Variants in OR11A1 observed in about 807,000 individuals in gnomAD.
OR11A1 encodes the protein olfactory receptor family 11 subfamily A member 1.
For synonymous variants in OR11A1, 158 were observed against 152.2 expected (o/e 1.04, Z -0.28); for missense variants, 380 against 378.2 (o/e 1.00, Z -0.04).
intron 1 of OR11A1, among the ~76,000 whole-genome samples, chr6:29,446,582 C>T (rs1012549889): frequency 2.6e-5 from 4 of 152,192 alleles, no homozygotes; most frequent in African/African-American, 9.7e-5. Flanking sequence ...TATATTTATT[C>T]ACCACATATG....
At chr6:29,439,511 T>C (rs1783920481) in intron 1 of OR11A1, 1 of 153,970 alleles carries the variant, frequency 6.5e-6, no homozygotes, top group Non-Finnish European at 1.4e-5. Flanking sequence ...TAAGTGAATC[T>C]GGTAACTAAA....
At position 29,441,098 on chromosome 6, in the gene OR11A1, T is replaced by C. The variant is rs9468533; in HGVS notation, c.-388-9111A>G. On this transcript the variant is annotated intron_variant, in intron 1 of 4. Coordinates refer to ENST00000377149, the MANE Select transcript of OR11A1 (RefSeq NM_001394828.1). ...CAAACTTATCTTTGAAAAGCTACCG[T>C]AGTCAAATGCGCTCCTCAGACCCTC... 2,402 of 609,722 alleles carry C rather than the reference T, an allele frequency of 3.9e-3. 43 individuals are homozygous for C. The highest frequency in any genetic ancestry group is 0.038 in the African/African-American group (2,073 of 54,240). The allele number at this position is 609,722 out of a possible 1,614,324, so 37.8% of individuals were successfully genotyped here. A position where few individuals can be genotyped will look rare whatever the true frequency, so the allele number is the denominator to read the frequency against.
chr6:29,426,843 G>A lies in OR11A1; in HGVS notation c.799C>T (p.His267Tyr). 6.2e-7 allele frequency: 1 copy of A among 1,613,118 alleles called. No homozygotes were observed. Among genetic ancestry groups the A allele is most frequent in the South Asian group, 1.1e-5 (1 of 91,076 alleles). ...AAGACCTTGGAGAGGAGCTGGGAATGGACAGCAGAGGGTGCAACATAAAAG... is the reference window on the plus strand; with the variant it reads ...AAGACCTTGGAGAGGAGCTGGGAATAGACAGCAGAGGGTGCAACATAAAAG... ...MIFYVAPSAV[H>Y]SQLLSKVFSL... is the part of the protein sequence containing the mutation. The change falls in exon 5 of 5, where the codon CAT (histidine) becomes TAT (tyrosine). Residue 267 changes from histidine (H) to tyrosine (Y), a missense_variant. By Grantham distance (83) the His-to-Tyr change is moderately conservative. Transcript: ENST00000377149.
At chr6:29,428,488 G>T in intron 4 of OR11A1, 1 of 724,642 alleles carries the variant, frequency 1.4e-6, no homozygotes, top group Non-Finnish European at 1.7e-6. Flanking sequence ...GGGCTTGGTG[G>T]CTCACGCCTG....
chr6:29,455,138 A>T (rs558964129), intron 1 of OR11A1, among the ~76,000 whole-genome samples: 19 of 152,310 alleles, frequency 1.2e-4, no homozygotes, highest in African/African-American at 4.1e-4. Context: ...AAAAGCACTT[A>T]ACTGCAAAAA....
chr6:29,450,582 C>CA (rs2151399526), intron 1 of OR11A1: 1 of 152,222 alleles, frequency 6.6e-6, no homozygotes, highest in Non-Finnish European at 1.5e-5. Context: ...AGAGACAAAT[C>CA]AACAGTGCAA....
At position 29,448,010 on chromosome 6, in the gene OR11A1, CTTTT is replaced by C. The variant is rs9280602; in HGVS notation, c.-389+8973_-389+8976del. On this transcript the variant is annotated intron_variant, in intron 1 of 4. Coordinates refer to ENST00000377149, the MANE Select transcript of OR11A1 (RefSeq NM_001394828.1). ...CCAAAAGTGATCAACATGACCCTTTCTTTTTTTTTTTTTTTTTTTTTTTTGAGAA... is the reference window on the plus strand; with the variant it reads ...CCAAAAGTGATCAACATGACCCTTTCTTTTTTTTTTTTTTTTTTTTGAGAA... Among the ~76,000 whole-genome samples the C allele has an allele frequency of 5.0e-5, 4 of 79,934 alleles. No homozygotes were observed. In the Admixed American group the frequency reaches 5.3e-4, roughly 10 times the overall value. 52.4% of individuals were successfully genotyped at this position (79,934 alleles called of 152,430 possible). A position where few individuals can be genotyped will look rare whatever the true frequency, so the allele number is the denominator to read the frequency against.
chr6:29,446,194 A>G (rs188698723), intron 1 of OR11A1, among the ~76,000 whole-genome samples: 25 of 152,214 alleles, frequency 1.6e-4, no homozygotes, highest in Admixed American at 1.6e-3. Flanking sequence ...CTTATTCTAC[A>G]TAGTGCTGGC....
intron 1 of OR11A1, among the ~76,000 whole-genome samples, chr6:29,438,845 C>A (rs561795174): frequency 6.6e-6 from 1 of 152,096 alleles, no homozygotes; most frequent in African/African-American, 2.4e-5. Flanking sequence ...AAGCAAGTCA[C>A]AAATGCCATC....
chr6:29,427,811 C>A (rs1208461775), intron 4 of OR11A1, 79 bp from the exon 5 acceptor site: 2 of 1,069,906 alleles, frequency 1.9e-6, no homozygotes, highest in Non-Finnish European at 1.3e-6. Flanking sequence ...AACTATCCCC[C>A]TTCTTAGTTG....
intron 1 of OR11A1, among the ~76,000 whole-genome samples, chr6:29,437,365 A>G (rs1224957943): frequency 1.3e-5 from 2 of 152,276 alleles, no homozygotes; most frequent in African/African-American, 2.4e-5. Flanking sequence ...GCCATTCTGC[A>G]TCTTTCTAAT....
intron 1 of OR11A1, among the ~76,000 whole-genome samples, chr6:29,442,249 C>T (rs1174159674): frequency 2.0e-5 from 3 of 152,124 alleles, no homozygotes; most frequent in Non-Finnish European, 4.4e-5. Flanking sequence ...TTAACAGAAA[C>T]TGCTACCCAG....
At position 29,440,083 on chromosome 6, in the gene OR11A1, A is replaced by G. The variant is rs1783983653; in HGVS notation, c.-388-8096T>C. 3.1e-6 allele frequency: 5 copies of G among 1,613,002 alleles called. No homozygotes were observed. Among genetic ancestry groups the G allele is most frequent in the Non-Finnish European group, 4.2e-6 (5 of 1,180,026 alleles). On this transcript the variant is annotated intron_variant, in intron 1 of 4. Transcript: ENST00000377149. Reference sequence around the variant, plus strand: ...GGCTTCTCCCACCTGGCCGACCTCCAGGGCTTGCTCTTCTCTGTCTTTCTC... The same window carrying G: ...GGCTTCTCCCACCTGGCCGACCTCCGGGGCTTGCTCTTCTCTGTCTTTCTC...
rs542148180 is a variant in OR11A1, at chr6:29,449,398, A to G, written c.-389+7589T>C. On this transcript the variant is annotated intron_variant, in intron 1 of 4. Coordinates refer to ENST00000377149, the MANE Select transcript of OR11A1 (RefSeq NM_001394828.1). ...AAATACCTCCCTATAATCCTATACT[A>G]AATGATACTCTAGCTATCTTGCCCC... 1.1e-4 allele frequency among the ~76,000 whole-genome samples: 16 copies of G among 152,336 alleles called. 1 individual carries two copies. The highest frequency in any genetic ancestry group is 1.0e-3 in the Admixed American group (16 of 15,298).
intron 1 of OR11A1, among the ~76,000 whole-genome samples, chr6:29,452,659 G>C (rs904489979): frequency 3.3e-5 from 5 of 152,014 alleles, no homozygotes; most frequent in Non-Finnish European, 7.4e-5. Flanking sequence ...TTACCCAGTG[G>C]GGGAAAATAA....
intron 1 of OR11A1, among the ~76,000 whole-genome samples, chr6:29,449,422 C>T (rs1785104047): frequency 6.6e-6 from 1 of 152,084 alleles, no homozygotes; most frequent in African/African-American, 2.4e-5. Context: ...CTATCTTGCC[C>T]CCTCTTAATT....
chr6:29,438,047 A>C, intron 1 of OR11A1, among the ~76,000 whole-genome samples: 1 of 152,220 alleles, frequency 6.6e-6, no homozygotes, highest in East Asian at 1.9e-4. Context: ...TCAGAAGAAA[A>C]CTAAGTACGA....
At position 29,425,740 on chromosome 6, in the gene OR11A1, C is replaced by G. The variant is rs1482601752; in HGVS notation, c.*954G>C. On this transcript the variant is annotated 3_prime_UTR_variant, in exon 5 of 5. Coordinates refer to ENST00000377149, the MANE Select transcript of OR11A1 (RefSeq NM_001394828.1). The stretch of plus-strand genomic sequence containing the variant: ...ATGGAGTACATGGGGGTTCACTGTG[C>G]TCTTCTCTTTTATGTATGTTTGAAA... The G allele has an allele frequency of 6.6e-6, 1 of 152,116 alleles. No homozygotes were observed. Among genetic ancestry groups the G allele is most frequent in the Non-Finnish European group, 1.5e-5 (1 of 68,008 alleles). The allele number at this position is 152,116 out of a possible 1,614,324, so 9.4% of individuals were successfully genotyped here. A position where few individuals can be genotyped will look rare whatever the true frequency, so the allele number is the denominator to read the frequency against.
chr6:29,455,236 T>A (rs1019888932), intron 1 of OR11A1, among the ~76,000 whole-genome samples: 1 of 152,122 alleles, frequency 6.6e-6, no homozygotes, highest in African/African-American at 2.4e-5. Context: ...AACCACAGAC[T>A]GAAAAAATAG....
Sources: gnomAD v4.1 joint callset for allele counts (sites outside exome capture counted in the v4.1 genomes callset) on GRCh38, gnomAD v4.1.1 for gene constraint, MANE v1.5 for transcripts, NCBI Gene and HGNC (gene_info 2026-07-23, HGNC 2026-07-21) for gene names.